Variants in NXPE2 observed in about 807,000 individuals in gnomAD.
NXPE2 encodes the protein neurexophilin and PC-esterase domain family member 2.
Under a neutral mutation model 34.4 loss-of-function variants are expected in NXPE2, and 34 were observed. That is an observed-to-expected ratio of 0.99 (90% confidence interval 0.75 to 1.31). The LOEUF (loss-of-function observed/expected upper bound fraction) is 1.31, where lower values mean the gene tolerates loss of function less well. Ranked by LOEUF, NXPE2 falls within the 40% of genes most tolerant of loss-of-function variation. The probability of loss-of-function intolerance (pLI) is 0.00; values close to 1 mark genes in which losing one functional copy is unlikely to be tolerated. For missense variants in NXPE2, 649 were observed against 672.5 expected (o/e 0.97, Z 0.39); for synonymous variants, 235 against 231.3 (o/e 1.02, Z -0.15).
the NXPE2 span, chr11:114,530,670 C>A: frequency 6.2e-7 from 1 of 1,614,174 alleles, no homozygotes. Flanking sequence ...GTCTCCCCTG[C>A]AGTATGTATC....
the NXPE2 span, among the ~76,000 whole-genome samples, chr11:114,714,628 C>T: frequency 6.6e-6 from 1 of 152,220 alleles, no homozygotes; most frequent in Non-Finnish European, 1.5e-5. Flanking sequence ...GCTTCATTTT[C>T]AGGCAGGTTC....
downstream of NXPE2, among the ~76,000 whole-genome samples, chr11:114,710,540 C>G (rs1342601066): frequency 6.6e-6 from 1 of 151,972 alleles, no homozygotes; most frequent in African/African-American, 2.4e-5. Flanking sequence ...AAGACTGAAT[C>G]ATAAAGAAAT....
the NXPE2 span, chr11:114,583,882 C>T: frequency 2.0e-5 from 8 of 392,584 alleles, no homozygotes; most frequent in Non-Finnish European, 3.5e-5. Flanking sequence ...GAGATGGGGA[C>T]TTATGGGTTA....
the NXPE2 span, among the ~76,000 whole-genome samples, chr11:114,494,744 G>A: frequency 6.6e-6 from 1 of 152,156 alleles, no homozygotes; most frequent in South Asian, 2.1e-4. Flanking sequence ...TTTCCTGAAT[G>A]TTCTTGACGC....
At chr11:114,733,187 C>A in the NXPE2 span, among the ~76,000 whole-genome samples, 1 of 152,190 alleles carries the variant, frequency 6.6e-6, no homozygotes, top group East Asian at 1.9e-4. Flanking sequence ...AGCTCCGCCT[C>A]CCGGATTCAC....
chr11:114,719,182 G>A, the NXPE2 span, among the ~76,000 whole-genome samples: 180 of 152,188 alleles, frequency 1.2e-3, no homozygotes, highest in African/African-American at 3.9e-3. Flanking sequence ...TGTAGTCAGT[G>A]TATCTTTACT....
chr11:114,776,085 G>A, the NXPE2 span, among the ~76,000 whole-genome samples: 2 of 152,220 alleles, frequency 1.3e-5, no homozygotes, highest in Admixed American at 1.3e-4. Context: ...CATTAAAAGG[G>A]AGGATCTGCT....
intron 2 of NXPE2, among the ~76,000 whole-genome samples, chr11:114,695,627 A>G (rs1056601832): frequency 2.0e-5 from 3 of 152,158 alleles, no homozygotes; most frequent in Non-Finnish European, 1.5e-5. Flanking sequence ...AAATCAAATC[A>G]TATCAATAGA....
chr11:114,672,856 ATAGT>A, the NXPE2 span, among the ~76,000 whole-genome samples: 10 of 151,844 alleles, frequency 6.6e-5, no homozygotes, highest in East Asian at 3.9e-4. Context: ...TTCAACAATA[ATAGT>A]TAGAGACTTC....
At chr11:114,789,302 A>G in the NXPE2 span, among the ~76,000 whole-genome samples, 2 of 133,154 alleles carry the variant, frequency 1.5e-5, no homozygotes, top group African/African-American at 4.9e-5. Context: ...TACCATAACT[A>G]TATATAACTT....
At chr11:114,597,786 G>C in the NXPE2 span, among the ~76,000 whole-genome samples, 1 of 152,182 alleles carries the variant, frequency 6.6e-6, no homozygotes, top group African/African-American at 2.4e-5. Context: ...ACCTGAAAGA[G>C]CTCCTGATGA....
chr11:114,536,871 T>C, the NXPE2 span, among the ~76,000 whole-genome samples: 35,375 of 152,040 alleles, frequency 0.23, 5,909 homozygotes, highest in African/African-American at 0.46. Flanking sequence ...GAGCTGGTAC[T>C]ATTCCATCTG....
At chr11:114,682,217 G>T (rs1712817) in intron 2 of NXPE2, among the ~76,000 whole-genome samples, 115,074 of 152,162 alleles carry the variant, frequency 0.76, 44,078 homozygotes, top group East Asian at 0.84. Flanking sequence ...TAACCTTTAT[G>T]AAGGAGTAGG....
At chr11:114,653,465 A>G in the NXPE2 span, among the ~76,000 whole-genome samples, 1 of 150,190 alleles carries the variant, frequency 6.7e-6, no homozygotes, top group Non-Finnish European at 1.5e-5. Flanking sequence ...AAAATATTTA[A>G]CCCTTGGGTG....
the NXPE2 span, among the ~76,000 whole-genome samples, chr11:114,636,364 A>G: frequency 6.6e-6 from 1 of 151,096 alleles, no homozygotes; most frequent in Non-Finnish European, 1.5e-5. Flanking sequence ...TTTTTTCTTT[A>G]TTAGTCTGCT....
chr11:114,539,497 TA>T, the NXPE2 span, among the ~76,000 whole-genome samples: 8 of 152,312 alleles, frequency 5.3e-5, no homozygotes, highest in South Asian at 1.7e-3. Flanking sequence ...AAAACTCTTT[TA>T]AGGATATTTT....
At chr11:114,745,017 AT>A in the NXPE2 span, among the ~76,000 whole-genome samples, 1 of 152,230 alleles carries the variant, frequency 6.6e-6, no homozygotes, top group Non-Finnish European at 1.5e-5. Context: ...TCAGGAAGTT[AT>A]TCTTTCTCAG....
chr11:114,773,995 A>ATC, the NXPE2 span, among the ~76,000 whole-genome samples: 5 of 152,116 alleles, frequency 3.3e-5, no homozygotes, highest in African/African-American at 7.2e-5. Context: ...TTCCTCACCC[A>ATC]TCTCTCTCTC....
At chr11:114,807,751 T>A in the NXPE2 span, among the ~76,000 whole-genome samples, 6 of 151,882 alleles carry the variant, frequency 4.0e-5, no homozygotes, top group Non-Finnish European at 8.8e-5. Flanking sequence ...TGGGAGACTT[T>A]AACACCCCAC....
Sources: gnomAD v4.1 joint callset for allele counts (sites outside exome capture counted in the v4.1 genomes callset) on GRCh38, gnomAD v4.1.1 for gene constraint, MANE v1.5 for transcripts, NCBI Gene and HGNC (gene_info 2026-07-23, HGNC 2026-07-21) for gene names.